The following FAM184A variants were observed in gnomAD, a reference collection of about 807,000 sequenced individuals.
FAM184A encodes family with sequence similarity 184 member A, also known as protein FAM184A.
In FAM184A, 99 loss-of-function variants were observed where a neutral mutation model predicts 143.8. The observed-to-expected ratio is 0.69, with a 90% CI of 0.58 to 0.81. The LOEUF (loss-of-function observed/expected upper bound fraction) is 0.81, where lower values mean the gene tolerates loss of function less well. Among genes scored for constraint, FAM184A ranks in the 40% least tolerant of loss-of-function variants. The probability of loss-of-function intolerance (pLI) is 0.00; values close to 1 mark genes in which losing one functional copy is unlikely to be tolerated. For synonymous variants in FAM184A, 427 were observed against 446.4 expected (o/e 0.96, Z 0.55); for missense variants, 1,217 against 1,310.5 (o/e 0.93, Z 1.10).
At chr6:118,961,065 G>GA (rs1009330369) in intron 17 of FAM184A, among the ~76,000 whole-genome samples, 1 of 151,088 alleles carries the variant, frequency 6.6e-6, no homozygotes, top group East Asian at 1.9e-4. Flanking sequence ...GTAAGAATAA[G>GA]AAAAAAAACA....
chr6:119,144,629 G>A (rs893389708), intron 1 of FAM184A, among the ~76,000 whole-genome samples: 5 of 152,192 alleles, frequency 3.3e-5, no homozygotes, highest in East Asian at 1.9e-4. Context: ...GTAGGTGAGC[G>A]ATTCTAATTG....
chr6:118,964,707 T>A lies in FAM184A; in HGVS notation c.3098A>T (p.Asn1033Ile). The A allele has an allele frequency of 6.2e-7, 1 of 1,609,596 alleles. No individual in the cohort carries two copies. The change falls in exon 16 of 18, where the codon AAC becomes ATC. Residue 1033 changes from asparagine (N) to isoleucine (I), a missense_variant. Asn to Ile is a moderately radical substitution (Grantham distance 149). Coordinates refer to ENST00000338891, the MANE Select transcript of FAM184A (RefSeq NM_024581.6). Reference protein sequence around the residue: ...NRETNFNKVFNSSPTVGVINP... With the variant: ...NRETNFNKVFISSPTVGVINP... Reference sequence around the variant, plus strand: ...AATAACACCAACAGTAGGACTTGAGTTAAACACTTTGTTGAAGTTAGTTTC... The same window carrying A: ...AATAACACCAACAGTAGGACTTGAGATAAACACTTTGTTGAAGTTAGTTTC...
chr6:119,143,242 A>G (rs896153297), intron 1 of FAM184A, among the ~76,000 whole-genome samples: 2 of 152,232 alleles, frequency 1.3e-5, no homozygotes, highest in Non-Finnish European at 2.9e-5. Context: ...TGTTAAAGAA[A>G]TTGCCTAAGA....
intron 1 of FAM184A, among the ~76,000 whole-genome samples, chr6:119,144,384 C>T (rs1419094891): frequency 1.3e-5 from 2 of 151,528 alleles, no homozygotes; most frequent in African/African-American, 2.4e-5. Context: ...CTGGGACTTG[C>T]GTCCTATGGA....
At chr6:119,063,230 T>G (rs2114772324) in intron 1 of FAM184A, among the ~76,000 whole-genome samples, 1 of 152,344 alleles carries the variant, frequency 6.6e-6, no homozygotes, top group East Asian at 1.9e-4. Flanking sequence ...ATCAAATAAC[T>G]CACTTAAATA....
chr6:119,096,976 AT>A (rs1480116930), intron 1 of FAM184A, among the ~76,000 whole-genome samples: 1 of 152,130 alleles, frequency 6.6e-6, no homozygotes, highest in East Asian at 1.9e-4. Context: ...TCATTTGAAG[AT>A]TTTATTGTGT....
intron 15 of FAM184A, among the ~76,000 whole-genome samples, chr6:118,966,321 T>A (rs1783499630): frequency 6.6e-6 from 1 of 152,222 alleles, no homozygotes; most frequent in South Asian, 2.1e-4. Flanking sequence ...TCAGTGTTAC[T>A]GACCGTCCAA....
upstream of FAM184A, among the ~76,000 whole-genome samples, chr6:119,080,837 A>T (rs1788041548): frequency 6.6e-6 from 1 of 151,512 alleles, no homozygotes; most frequent in Non-Finnish European, 1.5e-5. Flanking sequence ...ACATTGCTAT[A>T]AAAAAAAACC....
intron 1 of FAM184A, among the ~76,000 whole-genome samples, chr6:119,061,854 A>G (rs1218758229): frequency 1.3e-5 from 2 of 152,126 alleles, no homozygotes; most frequent in Non-Finnish European, 2.9e-5. Context: ...TAAACACTAT[A>G]TGTATCAAAA....
rs57278807 is a variant in FAM184A at position 119,038,392 on chromosome 6, T to A, written c.160-13579A>T. On this transcript the variant is annotated intron_variant, in intron 1 of 17. Transcript: ENST00000338891. The stretch of plus-strand genomic sequence containing the variant: ...AGGCATTCTAAGTCACAGGATGAGA[T>A]AGGAGGTCATGACAAAAGACAGGTC... Among the ~76,000 whole-genome samples the A allele has an allele frequency of 4.4e-4, 67 of 152,060 alleles. 1 individual carries two copies. The East Asian group carries it at 0.013, about 29-fold the overall frequency.
intron 1 of FAM184A, among the ~76,000 whole-genome samples, chr6:119,147,072 T>G (rs564174803): frequency 1.4e-4 from 17 of 118,244 alleles, no homozygotes; most frequent in Non-Finnish European, 2.6e-4. Context: ...CTGTTTTTTT[T>G]TTTTTTGTTT....
At chr6:119,112,099 G>T (rs1228419513) in intron 1 of FAM184A, among the ~76,000 whole-genome samples, 1 of 151,840 alleles carries the variant, frequency 6.6e-6, no homozygotes, top group African/African-American at 2.4e-5. Flanking sequence ...TACATAGAGT[G>T]TGGGAATGAT....
At chr6:118,963,495 C>A (rs1783397993) in intron 16 of FAM184A, 1 of 152,024 alleles carries the variant, frequency 6.6e-6, no homozygotes, top group Non-Finnish European at 1.5e-5. Flanking sequence ...CAGCTACATG[C>A]CACTACAGTC....
At chr6:119,113,505 C>T (rs1363971060) in intron 1 of FAM184A, among the ~76,000 whole-genome samples, 23 of 152,008 alleles carry the variant, frequency 1.5e-4, no homozygotes, top group Admixed American at 1.5e-3. Context: ...GAAGCTCATA[C>T]CATACAACTA....
intron 1 of FAM184A, among the ~76,000 whole-genome samples, chr6:119,043,288 G>C (rs1016856638): frequency 1.1e-4 from 17 of 152,186 alleles, no homozygotes; most frequent in African/African-American, 4.1e-4. Flanking sequence ...ACCTGTGGCA[G>C]AGCACAGAAG....
At chr6:119,063,772 T>C (rs1787343504) in intron 1 of FAM184A, among the ~76,000 whole-genome samples, 1 of 152,210 alleles carries the variant, frequency 6.6e-6, no homozygotes, top group Non-Finnish European at 1.5e-5. Flanking sequence ...AAAATGCGTC[T>C]TATTTTATAA....
At chr6:119,077,805 G>A (rs2114800604) in intron 1 of FAM184A, among the ~76,000 whole-genome samples, 1 of 152,346 alleles carries the variant, frequency 6.6e-6, no homozygotes, top group East Asian at 1.9e-4. Context: ...ATGCCTCGTG[G>A]AGCCCTGGCA....
At chr6:119,080,857 A>T (rs1204762218), upstream of FAM184A, among the ~76,000 whole-genome samples, 2 of 152,218 alleles carry the variant, frequency 1.3e-5, no homozygotes, top group Non-Finnish European at 2.9e-5. Context: ...CTGAGTCTTC[A>T]TAAAGAAAAG....
At chr6:119,034,041 T>TATATAGAGAGAGAG (rs1409214932) in intron 1 of FAM184A, among the ~76,000 whole-genome samples, 2 of 42,006 alleles carry the variant, frequency 4.8e-5, no homozygotes, top group African/African-American at 2.1e-4. Flanking sequence ...TATATATATA[T>TATATAGAGAGAGAG]AGAGAGAGAG....
Sources: allele counts gnomAD v4.1 joint callset (sites outside exome capture counted in the v4.1 genomes callset), GRCh38; gene constraint gnomAD v4.1.1; transcripts MANE v1.5; gene names NCBI Gene and HGNC (gene_info 2026-07-23, HGNC 2026-07-21).